Variants in NADK observed in about 807,000 individuals in gnomAD.
NADK encodes the protein poly(P)/ATP NAD kinase.
Under a neutral mutation model 49.8 loss-of-function variants are expected in NADK, and 22 were observed. The observed-to-expected ratio is 0.44, with a 90% CI of 0.32 to 0.63. The LOEUF (loss-of-function observed/expected upper bound fraction) is 0.63. Ranked by LOEUF, NADK falls within the 30% of genes least tolerant of loss-of-function variation. The pLI is 0.06. For synonymous variants in NADK, 268 were observed against 253.7 expected (o/e 1.06, Z -0.54); for missense variants, 438 against 609.4 (o/e 0.72, Z 2.96).
intron 2 of NADK, among the ~76,000 whole-genome samples, chr1:1,762,327 G>C (rs1215204068): frequency 6.6e-6 from 1 of 152,188 alleles, no homozygotes; most frequent in Admixed American, 6.5e-5. Flanking sequence ...GCCAGCCTGG[G>C]ATCAGAATTC....
intron 6 of NADK, 73 bp downstream of exon 6, chr1:1,756,185 A>G: frequency 7.3e-7 from 1 of 1,375,028 alleles, no homozygotes; most frequent in Non-Finnish European, 1.0e-6. Flanking sequence ...AATGGAAGCC[A>G]TGCTTGTGAG....
At chr1:1,775,082 C>T (rs1452511703) in intron 1 of NADK, among the ~76,000 whole-genome samples, 1 of 151,906 alleles carries the variant, frequency 6.6e-6, no homozygotes, top group African/African-American at 2.4e-5. Context: ...GCCCTCCAGC[C>T]TGGGGGACAG....
rs370139181 is a variant in NADK at position 1,759,903 on chromosome 1, C to G, written c.263+2049G>C. ...AGATGCGAGTGACAAAGGAGTGGCT[C>G]TGCCAGGACCAGGAAGTGCAGGGAG... On this transcript the variant is annotated intron_variant, in intron 3 of 11. Coordinates refer to ENST00000341426, the MANE Select transcript of NADK (RefSeq NM_023018.5). 836 of 1,550,614 alleles carry G rather than the reference C, an allele frequency of 5.4e-4. 4 individuals are homozygous for G. The African/African-American group carries it at 0.01, about 19-fold the overall frequency.
At chr1:1,755,326 C>T (rs1182567921) in intron 7 of NADK, 48 bp downstream of exon 7, 3 of 1,324,968 alleles carry the variant, frequency 2.3e-6, no homozygotes, top group South Asian at 2.4e-5. Flanking sequence ...AGCGAGACAG[C>T]AGCGCCATGA....
Position 1,754,917 on chromosome 1 carries a change from G to GA in NADK, c.689-220_689-219insT, listed in dbSNP as rs1185933560. On this transcript the variant is annotated intron_variant, in intron 7 of 11. Transcript: ENST00000341426. The surrounding 1 kb of genome is among the most constrained non-coding windows in gnomAD (Gnocchi z 4.3). ...GCTCACTGCAACCTCTGCCTCCCAG[G>GA]TTCAAGTGATTCTCCTGCCTCAGCC... is the stretch of plus-strand genomic sequence containing the variant. 5.9e-6 allele frequency: 3 copies of GA among 508,232 alleles called. No individual in the cohort carries two copies. In the East Asian group the frequency reaches 1.1e-4, roughly 18 times the overall value. 31.5% of individuals were successfully genotyped at this position (508,232 alleles called of 1,614,324 possible).
upstream of NADK, among the ~76,000 whole-genome samples, chr1:1,779,706 T>C (rs1481988110): frequency 6.6e-6 from 1 of 152,020 alleles, no homozygotes; most frequent in East Asian, 1.9e-4. Context: ...GATGAGGTTT[T>C]ACCATTTTGC....
At chr1:1,767,278 C>T (rs1027356488) in intron 1 of NADK, among the ~76,000 whole-genome samples, 3 of 152,174 alleles carry the variant, frequency 2.0e-5, no homozygotes, top group Non-Finnish European at 4.4e-5. Flanking sequence ...CAAAGAAAAG[C>T]CCTCAGCCAC....
Position 1,752,755 on chromosome 1 carries a change from A to G in NADK, c.*149T>C. 1.1e-6 allele frequency: 1 copy of G among 919,016 alleles called. No homozygotes were observed. Among genetic ancestry groups the G allele is most frequent in the Non-Finnish European group, 1.6e-6 (1 of 609,306 alleles). The allele number at this position is 919,016 out of a possible 1,614,324, so 56.9% of individuals were successfully genotyped here. The stretch of plus-strand genomic sequence containing the variant: ...CATTTTAAAAAAACAGCTGATCTGG[A>G]CAAAAGGCAGACCCAGGCTCTAACC... On this transcript the variant is annotated 3_prime_UTR_variant, in exon 12 of 12. Transcript: ENST00000341426.
chr1:1,763,379 G>C (rs1645788034), intron 2 of NADK, among the ~76,000 whole-genome samples: 2 of 152,184 alleles, frequency 1.3e-5, no homozygotes, highest in South Asian at 4.1e-4. Context: ...AGCACTTTGG[G>C]AGGCTGAGGT....
intron 2 of NADK, among the ~76,000 whole-genome samples, chr1:1,762,890 A>G (rs1645771175): frequency 6.6e-6 from 1 of 152,218 alleles, no homozygotes; most frequent in African/African-American, 2.4e-5. Flanking sequence ...TGGCAGCCGC[A>G]CGCGTCCTGG....
At chr1:1,756,981 G>T in intron 4 of NADK, 200 bp downstream of exon 4, 1 of 923,792 alleles carries the variant, frequency 1.1e-6, no homozygotes, top group Non-Finnish European at 1.7e-6. Context: ...CTCATTGTTG[G>T]TCACCCAGTC....
intron 2 of NADK, among the ~76,000 whole-genome samples, chr1:1,763,863 C>G (rs1172388637): frequency 3.3e-5 from 5 of 152,020 alleles, no homozygotes; most frequent in Admixed American, 2.6e-4. Flanking sequence ...TCATCAGGTT[C>G]AGAATGCAAC....
chr1:1,765,075 T>TCAAGGGCACAGCTTCACCTGGG (rs1553186058), intron 2 of NADK, among the ~76,000 whole-genome samples, 153 bp downstream of exon 2: 5 of 152,298 alleles, frequency 3.3e-5, no homozygotes, highest in African/African-American at 1.2e-4. Context: ...GGATCCCCCT[T>TCAAGGGCACAGCTTCACCTGGG]CAAGGGCACA....
At chr1:1,757,567 G>A (rs1327945416) in intron 3 of NADK, among the ~76,000 whole-genome samples, 1 of 151,850 alleles carries the variant, frequency 6.6e-6, no homozygotes, top group Non-Finnish European at 1.5e-5. Context: ...CCCCACCCGG[G>A]CACCACGCTG....
chr1:1,761,654 G>A (rs1645728435), intron 3 of NADK: 3 of 318,846 alleles, frequency 9.4e-6, no homozygotes, highest in South Asian at 8.6e-5. Context: ...CCGGTCTCCA[G>A]GCCCCGGCTC....
At chr1:1,756,761 G>T in intron 4 of NADK, 153 bp from the exon 5 acceptor site, 1 of 1,315,422 alleles carries the variant, frequency 7.6e-7, no homozygotes, top group Non-Finnish European at 1.1e-6. Context: ...TCACCAACGC[G>T]CCAGGAGGAA....
rs34422935 is a variant in NADK at position 1,771,042 on chromosome 1, T to TAA, written c.-40-5598_-40-5597dup. 9.7e-3 allele frequency among the ~76,000 whole-genome samples: 1,265 copies of TAA among 130,452 alleles called. 16 individuals carry two copies. The highest frequency in any genetic ancestry group is 0.035 in the African/African-American group (1,170 of 33,022). 85.6% of individuals were successfully genotyped at this position (130,452 alleles called of 152,430 possible). A position where few individuals can be genotyped will look rare whatever the true frequency, so the allele number is the denominator to read the frequency against. On this transcript the variant is annotated intron_variant, in intron 1 of 11. Transcript: ENST00000341426. ...GTAACAAGAGTGAGATTTCATCTTA[T>TAA]AAAAAAAAAAAAAATATATATATAT...
At chr1:1,757,753 C>T (rs1247381305) in intron 3 of NADK, among the ~76,000 whole-genome samples, 1 of 152,126 alleles carries the variant, frequency 6.6e-6, no homozygotes, top group Non-Finnish European at 1.5e-5. Context: ...TGACTCTGTC[C>T]CTAGGATCCT....
chr1:1,761,275 G>A (rs940288023), intron 3 of NADK, among the ~76,000 whole-genome samples: 1 of 152,210 alleles, frequency 6.6e-6, no homozygotes, highest in Admixed American at 6.5e-5. Context: ...ACAGGTGTGA[G>A]CCACCGCAGC....
Sources: allele counts gnomAD v4.1 joint callset (sites outside exome capture counted in the v4.1 genomes callset), GRCh38; gene constraint gnomAD v4.1.1; non-coding constraint Gnocchi (gnomAD v3.1); transcripts MANE v1.5; gene names NCBI Gene and HGNC (gene_info 2026-07-23, HGNC 2026-07-21).